ATG10: variants seen among roughly 807,000 people sequenced by gnomAD.
ATG10 encodes ubiquitin-like-conjugating enzyme ATG10.
ATG10 carries 30 observed loss-of-function variants against 32.1 expected under a neutral mutation model. The observed-to-expected ratio is 0.94, with a 90% CI of 0.70 to 1.27. The LOEUF (loss-of-function observed/expected upper bound fraction) is 1.27, where lower values mean the gene tolerates loss of function less well. ATG10 is among the 50% of genes most tolerant of loss of function. The pLI is 0.00. For synonymous variants in ATG10, 87 were observed against 91.5 expected, an observed-to-expected ratio of 0.95 and a Z score of 0.28; for missense variants, 233 against 262.3, an observed-to-expected ratio of 0.89 and a Z score of 0.77.
intron 2 of ATG10, chr5:81,992,232 C>G (rs1001150992): frequency 6.6e-6 from 1 of 151,876 alleles, no homozygotes; most frequent in South Asian, 2.1e-4. Context: ...TCAAGCTGTC[C>G]TCCTACCTTG....
At chr5:82,017,878 T>G (rs970326353) in intron 2 of ATG10, among the ~76,000 whole-genome samples, 7 of 152,180 alleles carry the variant, frequency 4.6e-5, no homozygotes, top group Non-Finnish European at 7.3e-5. Flanking sequence ...TACTCTTTAT[T>G]CCTTTTCAGT....
At chr5:82,250,814 C>T (rs900032007) in intron 5 of ATG10, among the ~76,000 whole-genome samples, 10 of 152,148 alleles carry the variant, frequency 6.6e-5, no homozygotes, top group African/African-American at 2.4e-4. Flanking sequence ...TTCTGGCAGA[C>T]ACATAAAAAA....
chr5:82,085,317 C>T (rs1256894305), intron 3 of ATG10, among the ~76,000 whole-genome samples: 1 of 151,970 alleles, frequency 6.6e-6, no homozygotes, highest in Non-Finnish European at 1.5e-5. Flanking sequence ...TACAGGAGCA[C>T]CCAGATTCAT....
intron 1 of ATG10, among the ~76,000 whole-genome samples, chr5:81,984,413 C>T (rs62367447): frequency 2.0e-5 from 3 of 152,118 alleles, no homozygotes; most frequent in African/African-American, 4.8e-5. Flanking sequence ...AGAGGGAGAC[C>T]GTGGGGAGAG....
At chr5:82,036,595 A>G (rs1460937470) in intron 2 of ATG10, among the ~76,000 whole-genome samples, 2 of 152,184 alleles carry the variant, frequency 1.3e-5, no homozygotes, top group East Asian at 3.8e-4. Context: ...ACTCCATTTC[A>G]AAAAAGAAAT....
intron 5 of ATG10, among the ~76,000 whole-genome samples, chr5:82,243,146 G>A (rs1746873122): frequency 6.6e-6 from 1 of 152,000 alleles, no homozygotes; most frequent in Non-Finnish European, 1.5e-5. Context: ...GTTTAGGAAT[G>A]TATTAATAGT....
intron 2 of ATG10, among the ~76,000 whole-genome samples, chr5:81,988,464 G>T (rs1761356303): frequency 6.6e-6 from 1 of 151,598 alleles, no homozygotes; most frequent in Admixed American, 6.6e-5. Flanking sequence ...TTTTTGAGAT[G>T]GATTCTAGTT....
intron 3 of ATG10, among the ~76,000 whole-genome samples, chr5:82,072,076 T>G (rs949591755): frequency 6.6e-6 from 1 of 152,172 alleles, no homozygotes; most frequent in African/African-American, 2.4e-5. Flanking sequence ...CTCACTAATT[T>G]CAAGTATGCT....
At chr5:82,237,094 A>G (rs939956087) in intron 5 of ATG10, among the ~76,000 whole-genome samples, 6 of 152,136 alleles carry the variant, frequency 3.9e-5, no homozygotes, top group African/African-American at 1.2e-4. Flanking sequence ...ATTGGATCAT[A>G]AAGGGATTGC....
chr5:81,998,618 A>C (rs1251369794), intron 2 of ATG10, among the ~76,000 whole-genome samples: 1 of 152,244 alleles, frequency 6.6e-6, no homozygotes, highest in East Asian at 1.9e-4. Flanking sequence ...AGCAAGACCC[A>C]ACTGTGTGCT....
intron 3 of ATG10, among the ~76,000 whole-genome samples, chr5:82,129,463 T>A (rs1015259924): frequency 6.6e-6 from 1 of 152,132 alleles, no homozygotes; most frequent in African/African-American, 2.4e-5. Flanking sequence ...CACTGATTTT[T>A]CCTCATCTTT....
At position 82,220,884 on chromosome 5, in the gene ATG10, C is replaced by G. The variant is rs187661376; in HGVS notation, c.454-31678C>G. Among the ~76,000 whole-genome samples, 10 of 152,010 alleles carry G rather than the reference C, an allele frequency of 6.6e-5. No individual in the cohort carries two copies. The East Asian group carries it at 1.8e-3, about 27-fold the overall frequency. ...TCAAGCAATTCTCCTGCCTCAGCCT[C>G]CCAACTGGGACTACAGGCACGTGCC... On this transcript the variant is annotated intron_variant, in intron 5 of 7. Coordinates refer to ENST00000282185, the MANE Select transcript of ATG10 (RefSeq NM_031482.5).
chr5:82,015,195 C>A (rs1762248995), intron 2 of ATG10, among the ~76,000 whole-genome samples: 2 of 152,210 alleles, frequency 1.3e-5, no homozygotes, highest in African/African-American at 4.8e-5. Context: ...CTGAGAGATC[C>A]ACTGTTAGTC....
intron 5 of ATG10, among the ~76,000 whole-genome samples, chr5:82,249,109 T>C (rs1476828801): frequency 2.0e-5 from 3 of 152,152 alleles, no homozygotes; most frequent in Admixed American, 2.0e-4. Flanking sequence ...TATGACTGTT[T>C]TATGTTCTTT....
chr5:82,165,044 G>C (rs1373172683), intron 4 of ATG10, among the ~76,000 whole-genome samples: 2 of 152,186 alleles, frequency 1.3e-5, no homozygotes, highest in African/African-American at 4.8e-5. Flanking sequence ...TTAGCTTCCT[G>C]TGATGCTGTT....
chr5:82,186,195 T>C (rs1443669463), intron 5 of ATG10, among the ~76,000 whole-genome samples: 1 of 152,220 alleles, frequency 6.6e-6, no homozygotes, highest in Non-Finnish European at 1.5e-5. Flanking sequence ...TAAATGGGAC[T>C]ACAGATATCA....
chr5:81,982,675 A>G (rs951123999), intron 1 of ATG10, among the ~76,000 whole-genome samples: 1 of 152,056 alleles, frequency 6.6e-6, no homozygotes, highest in Middle Eastern at 3.2e-3. Context: ...CAAGTGAACA[A>G]AGGTCTCTGG....
chr5:82,157,890 T>C (rs1042934471), intron 3 of ATG10, among the ~76,000 whole-genome samples: 10 of 152,332 alleles, frequency 6.6e-5, no homozygotes, highest in African/African-American at 2.4e-4. Flanking sequence ...AAATCAACTA[T>C]CTTTTCCTCA....
chr5:82,109,929 A>G (rs984459819), intron 3 of ATG10, among the ~76,000 whole-genome samples: 2 of 150,070 alleles, frequency 1.3e-5, no homozygotes, highest in Middle Eastern at 3.2e-3. Context: ...CATTAGGTAT[A>G]TCTCCTAATG....
Sources: gnomAD v4.1 joint callset for allele counts (sites outside exome capture counted in the v4.1 genomes callset) on GRCh38, gnomAD v4.1.1 for gene constraint, MANE v1.5 for transcripts, NCBI Gene and HGNC (gene_info 2026-07-23, HGNC 2026-07-21) for gene names.